The following XKR6 variants were observed in gnomAD, a reference collection of about 807,000 sequenced individuals.
XKR6 encodes XK-related protein 6.
Under a neutral mutation model 56.7 loss-of-function variants are expected in XKR6, and 22 were observed. That is an observed-to-expected ratio of 0.39 (90% CI 0.28 to 0.55). XKR6 has a LOEUF of 0.55. XKR6 is among the 20% of genes least tolerant of loss of function. XKR6 has a pLI of 0.66. For synonymous variants in XKR6, 524 were observed against 387.8 expected, an observed-to-expected ratio of 1.35 and a Z score of -4.13; for missense variants, 852 against 889.0, an observed-to-expected ratio of 0.96 and a Z score of 0.53.
chr8:10,980,430 T>C (rs1797702231), intron 1 of XKR6, among the ~76,000 whole-genome samples: 1 of 152,176 alleles, frequency 6.6e-6, no homozygotes. Flanking sequence ...GGCTTATAAG[T>C]AGGAAAGGCC....
chr8:10,923,971 C>T (rs1221079488), intron 2 of XKR6, among the ~76,000 whole-genome samples: 1 of 152,222 alleles, frequency 6.6e-6, no homozygotes, highest in Non-Finnish European at 1.5e-5. Flanking sequence ...TCATGCATGG[C>T]TCCATGGACT....
At chr8:11,128,620 G>C (rs1799946678) in intron 1 of XKR6, among the ~76,000 whole-genome samples, 1 of 152,146 alleles carries the variant, frequency 6.6e-6, no homozygotes, top group African/African-American at 2.4e-5. Flanking sequence ...AGTACCCGCA[G>C]TACTCTACTG....
At chr8:10,934,460 C>T (rs1034154056) in intron 1 of XKR6, among the ~76,000 whole-genome samples, 2 of 115,978 alleles carry the variant, frequency 1.7e-5, no homozygotes, top group Non-Finnish European at 4.0e-5. Context: ...TGAGAGAGGG[C>T]ATCCCTGTCT....
chr8:11,006,853 G>C (rs9657542), intron 1 of XKR6, among the ~76,000 whole-genome samples: 63,565 of 152,102 alleles, frequency 0.42, 15,390 homozygotes, highest in African/African-American at 0.66. Flanking sequence ...CTCTCTCTTT[G>C]TTTATAGAAG....
Position 10,915,862 on chromosome 8 carries a change from GTC to G in XKR6, c.961+8770_961+8771del, listed in dbSNP as rs575003793. The stretch of plus-strand genomic sequence containing the variant: ...GAGGAGGCAGGTAGGTCTGTGCTGC[GTC>G]TCTCTCCATCTCAGCTGTGGATGAA... On this transcript the variant is annotated intron_variant, in intron 2 of 2. Coordinates refer to ENST00000416569, the MANE Select transcript of XKR6 (RefSeq NM_173683.4). 7.9e-4 allele frequency among the ~76,000 whole-genome samples: 120 copies of G among 152,312 alleles called. 1 individual carries two copies. Among genetic ancestry groups the G allele is most frequent in the Non-Finnish European group, 1.1e-3 (72 of 68,038 alleles).
At chr8:11,042,291 T>C (rs1378149159) in intron 1 of XKR6, among the ~76,000 whole-genome samples, 1 of 152,078 alleles carries the variant, frequency 6.6e-6, no homozygotes, top group Non-Finnish European at 1.5e-5. Flanking sequence ...TCTGATATGG[T>C]TTGACTGTGT....
rs748776482 is a variant in XKR6, at chr8:11,200,531, G to T, written c.764+45C>A. ...CCGCGAAGCACCGGGAGGGCGGAGGGGGGCTCCTCAGGGCCGGCCCGCCCC... is the reference window on the plus strand; with the variant it reads ...CCGCGAAGCACCGGGAGGGCGGAGGTGGGCTCCTCAGGGCCGGCCCGCCCC... On this transcript the variant is annotated intron_variant, in intron 1 of 2. Coordinates refer to ENST00000416569, the MANE Select transcript of XKR6 (RefSeq NM_173683.4). This position sits in a 1 kb window ranked among gnomAD's most constrained non-coding sequence, Gnocchi z 6.4. 2.1e-6 allele frequency: 3 copies of T among 1,410,990 alleles called. No individual in the cohort carries two copies. Among genetic ancestry groups the T allele is most frequent in the Non-Finnish European group, 1.8e-6 (2 of 1,090,698 alleles). 87.4% of individuals were successfully genotyped at this position (1,410,990 alleles called of 1,614,324 possible). A position where few individuals can be genotyped will look rare whatever the true frequency, so the allele number is the denominator to read the frequency against.
chr8:11,073,401 G>C (rs1800184538), intron 1 of XKR6, among the ~76,000 whole-genome samples: 1 of 152,116 alleles, frequency 6.6e-6, no homozygotes, highest in Admixed American at 6.5e-5. Flanking sequence ...CACAGTCTTT[G>C]GAGGAGAAGA....
intron 1 of XKR6, among the ~76,000 whole-genome samples, chr8:11,031,226 AAGAG>A (rs996460073): frequency 6.6e-6 from 1 of 152,214 alleles, no homozygotes; most frequent in Non-Finnish European, 1.5e-5. Context: ...GCAATAGAGA[AAGAG>A]AGAGAGTGCG....
intron 1 of XKR6, among the ~76,000 whole-genome samples, chr8:11,161,818 G>A (rs144169188): frequency 6.6e-6 from 1 of 151,946 alleles, no homozygotes; most frequent in African/African-American, 2.4e-5. Context: ...ATATCATCAG[G>A]TACCTGCAAC....
intron 1 of XKR6, among the ~76,000 whole-genome samples, chr8:11,147,628 C>T (rs1801051947): frequency 6.8e-6 from 1 of 147,622 alleles, no homozygotes; most frequent in Non-Finnish European, 1.5e-5. Flanking sequence ...TGCACTCCAG[C>T]CTTGTGACAG....
intron 1 of XKR6, among the ~76,000 whole-genome samples, chr8:11,019,354 C>G (rs995414661): frequency 6.6e-6 from 1 of 152,242 alleles, no homozygotes; most frequent in Non-Finnish European, 1.5e-5. Flanking sequence ...AAGCCTCCAT[C>G]CCCTGGTAAA....
intron 1 of XKR6, among the ~76,000 whole-genome samples, chr8:11,082,118 G>A (rs577169650): frequency 1.6e-3 from 237 of 152,312 alleles, no homozygotes; most frequent in African/African-American, 5.3e-3. Flanking sequence ...AGATGCTGCC[G>A]TCGGGTGAGG....
chr8:11,115,639 C>CAAA (rs34673445), intron 1 of XKR6, among the ~76,000 whole-genome samples: 410 of 151,984 alleles, frequency 2.7e-3, no homozygotes, highest in African/African-American at 8.8e-3. Flanking sequence ...GATACGTTAC[C>CAAA]AAAAAAATGT....
rs1341498907 is a variant in XKR6 at position 11,201,149 on chromosome 8, G to A, written c.191C>T (p.Ser64Leu). 4.0e-6 allele frequency: 6 copies of A among 1,509,838 alleles called. No individual in the cohort carries two copies. The highest frequency in any genetic ancestry group is 5.3e-6 in the Non-Finnish European group (6 of 1,134,530). 93.5% of individuals were successfully genotyped at this position (1,509,838 alleles called of 1,614,324 possible). Reference protein sequence around the residue: ...MHICHCCNTSSCYWGCRSACL... With the variant: ...MHICHCCNTSLCYWGCRSACL... Reference sequence around the variant, plus strand: ...GGCGGAGCGGCAGCCCCAGTAGCACGAGGAGGTGTTGCAGCAGTGGCAGAT... The same window carrying A: ...GGCGGAGCGGCAGCCCCAGTAGCACAAGGAGGTGTTGCAGCAGTGGCAGAT... The change falls in exon 1 of 3, where the codon TCG becomes TTG. Residue 64 changes from serine to leucine, a missense_variant. By Grantham distance (145) the Ser-to-Leu change is moderately radical. Around this residue, in one of 4 missense-constraint regions of XKR6, gnomAD observed 417 missense variants for 355.2 expected, o/e 1.17. Transcript: ENST00000416569.
chr8:11,000,365 T>A (rs1257580635), intron 1 of XKR6, among the ~76,000 whole-genome samples: 1 of 152,228 alleles, frequency 6.6e-6, no homozygotes, highest in African/African-American at 2.4e-5. Flanking sequence ...GTTTTCTTCC[T>A]CGTGGAGCAC....
At chr8:10,948,721 C>A (rs1801625160) in intron 1 of XKR6, among the ~76,000 whole-genome samples, 1 of 152,104 alleles carries the variant, frequency 6.6e-6, no homozygotes, top group Non-Finnish European at 1.5e-5. Flanking sequence ...TGGGGAAGGC[C>A]CCGCACTCCC....
chr8:11,071,432 G>T (rs1800111399), intron 1 of XKR6, among the ~76,000 whole-genome samples: 2 of 150,872 alleles, frequency 1.3e-5, no homozygotes, highest in African/African-American at 2.5e-5. Flanking sequence ...GTAGAGACAG[G>T]GTTTCATACA....
chr8:10,913,657 G>T (rs867488983), intron 2 of XKR6, among the ~76,000 whole-genome samples: 1 of 152,194 alleles, frequency 6.6e-6, no homozygotes, highest in Non-Finnish European at 1.5e-5. Context: ...GACCTGCCCC[G>T]GTGCACTCAG....
Sources: gnomAD v4.1 joint callset for allele counts (sites outside exome capture counted in the v4.1 genomes callset) on GRCh38, gnomAD v4.1.1 for gene constraint, gnomAD v4.1.1 regional missense constraint, Gnocchi (gnomAD v3.1) non-coding constraint, MANE v1.5 for transcripts, NCBI Gene and HGNC (gene_info 2026-07-23, HGNC 2026-07-21) for gene names.